The following TMEM132C variants were observed in gnomAD, a reference collection of about 807,000 sequenced individuals.
The protein encoded by TMEM132C is protein phosphatase 1, regulatory subunit 152.
TMEM132C carries 29 observed loss-of-function variants against 61.4 expected under a neutral mutation model. That is an observed-to-expected ratio of 0.47 (90% CI 0.35 to 0.64). TMEM132C has a LOEUF of 0.64. TMEM132C is among the 30% of genes least tolerant of loss of function. The pLI is 0.00. For missense variants in TMEM132C, 1,408 were observed against 1,476.9 expected, an observed-to-expected ratio of 0.95 and a Z score of 0.76; for synonymous variants, 656 against 633.1, an observed-to-expected ratio of 1.04 and a Z score of -0.54.
rs201207639 is a variant in TMEM132C at position 128,682,277 on chromosome 12, GC to G, written c.1450-11551del. ...GGAGCTCCATGGGATGACAGTGGGG[GC>G]TCCTCTCCTCCACCCCCTTATTCTT... is the stretch of plus-strand genomic sequence containing the variant. On this transcript the variant is annotated intron_variant, in intron 5 of 8. Coordinates refer to ENST00000435159, the MANE Select transcript of TMEM132C (RefSeq NM_001136103.3). Among the ~76,000 whole-genome samples the G allele has an allele frequency of 3.7e-4, 57 of 152,270 alleles. No homozygotes were observed. The East Asian group carries it at 0.01, about 28-fold the overall frequency.
At chr12:128,390,857 G>A (rs1874743581) in intron 1 of TMEM132C, among the ~76,000 whole-genome samples, 1 of 151,896 alleles carries the variant, frequency 6.6e-6, no homozygotes, top group African/African-American at 2.4e-5. Context: ...TGGCCATGGA[G>A]AGAAGATACA....
chr12:128,440,401 G>C (rs1167529516), intron 2 of TMEM132C, among the ~76,000 whole-genome samples: 2 of 152,204 alleles, frequency 1.3e-5, no homozygotes, highest in Non-Finnish European at 2.9e-5. Context: ...ATGAGAAACA[G>C]AGCCAGGGTT....
At chr12:128,399,959 C>T (rs189431719) in intron 1 of TMEM132C, 5 of 151,822 alleles carry the variant, frequency 3.3e-5, no homozygotes, top group Admixed American at 2.6e-4. Context: ...TGAGGAGTTG[C>T]AATGGAGACC....
At chr12:128,573,053 A>G (rs1380372969) in intron 3 of TMEM132C, among the ~76,000 whole-genome samples, 1 of 152,214 alleles carries the variant, frequency 6.6e-6, no homozygotes, top group Non-Finnish European at 1.5e-5. Context: ...GCGATTCCTC[A>G]AGGATCTAGA....
In TMEM132C at chr12:128,623,665, G is replaced by A. The variant is rs573656241; in HGVS notation, c.1305+7330G>A. Among the ~76,000 whole-genome samples, 30 of 151,984 alleles carry A rather than the reference G, an allele frequency of 2.0e-4. 1 individual carries two copies. The East Asian group carries it at 4.6e-3, about 24-fold the overall frequency. On this transcript the variant is annotated intron_variant, in intron 4 of 8. Coordinates refer to ENST00000435159, the MANE Select transcript of TMEM132C (RefSeq NM_001136103.3). ...CTACTAAAAATACAAAAAATCAGCC[G>A]GGCGTGATGGCAGGCACCTGTAATC...
At chr12:128,582,196 C>T (rs193073716) in intron 3 of TMEM132C, among the ~76,000 whole-genome samples, 1 of 152,194 alleles carries the variant, frequency 6.6e-6, no homozygotes, top group East Asian at 1.9e-4. Flanking sequence ...GCACTATGAA[C>T]AGGCAATTCA....
At chr12:128,474,042 A>G (rs548791332) in intron 2 of TMEM132C, among the ~76,000 whole-genome samples, 22 of 152,294 alleles carry the variant, frequency 1.4e-4, no homozygotes, top group Admixed American at 3.9e-4. Flanking sequence ...CTGTTACACT[A>G]ATTCCTTGCA....
At chr12:128,545,440 T>G (rs1682455196) in intron 3 of TMEM132C, among the ~76,000 whole-genome samples, 1 of 152,230 alleles carries the variant, frequency 6.6e-6, no homozygotes, top group Non-Finnish European at 1.5e-5. Context: ...TGCGTGTGTC[T>G]TTTTGGTAGA....
At chr12:128,688,983 TTTTG>T (rs914068132) in intron 5 of TMEM132C, among the ~76,000 whole-genome samples, 2 of 151,688 alleles carry the variant, frequency 1.3e-5, no homozygotes, top group African/African-American at 4.8e-5. Flanking sequence ...TTGTTTTTGT[TTTTG>T]TTTTATTTTT....
intron 1 of TMEM132C, among the ~76,000 whole-genome samples, chr12:128,372,939 G>A (rs766274990): frequency 6.6e-6 from 1 of 152,192 alleles, no homozygotes; most frequent in Non-Finnish European, 1.5e-5. Flanking sequence ...TTTTATAGGG[G>A]CTGATATGAC....
intron 4 of TMEM132C, among the ~76,000 whole-genome samples, chr12:128,659,768 T>C (rs1239420753): frequency 6.6e-6 from 1 of 150,500 alleles, no homozygotes; most frequent in Admixed American, 6.6e-5. Flanking sequence ...GATGTCAGAA[T>C]GGGTCTGGAG....
chr12:128,429,847 C>T (rs1869327570), intron 2 of TMEM132C, among the ~76,000 whole-genome samples: 1 of 152,134 alleles, frequency 6.6e-6, no homozygotes, highest in African/African-American at 2.4e-5. Context: ...ACAGGGTGCC[C>T]AGGCATGGGA....
At chr12:128,313,995 A>G (rs1872064955) in intron 1 of TMEM132C, among the ~76,000 whole-genome samples, 1 of 152,168 alleles carries the variant, frequency 6.6e-6, no homozygotes, top group African/African-American at 2.4e-5. Context: ...GTTGTCTGAG[A>G]AGTTGATTAA....
At chr12:128,371,553 TTATGTATGTATA>T (rs1874028652) in intron 1 of TMEM132C, among the ~76,000 whole-genome samples, 1 of 152,174 alleles carries the variant, frequency 6.6e-6, no homozygotes, top group African/African-American at 2.4e-5. Flanking sequence ...TTGTTGTTAT[TTATGTATGTATA>T]TGTGTATGTA....
chr12:128,686,164 G>T (rs1362139963), intron 5 of TMEM132C, among the ~76,000 whole-genome samples: 2 of 152,100 alleles, frequency 1.3e-5, no homozygotes, highest in African/African-American at 4.8e-5. Context: ...GTGTGTGATA[G>T]GTGGGTAGTG....
intron 2 of TMEM132C, among the ~76,000 whole-genome samples, chr12:128,444,145 C>G (rs1869888659): frequency 6.6e-6 from 1 of 152,296 alleles, no homozygotes; most frequent in South Asian, 2.1e-4. Context: ...GTCTTGAACT[C>G]CTGTGCTCAA....
intron 1 of TMEM132C, among the ~76,000 whole-genome samples, chr12:128,321,271 C>A (rs770301671): frequency 2.0e-5 from 3 of 151,764 alleles, no homozygotes; most frequent in Admixed American, 6.6e-5. Context: ...TTAAACAAAC[C>A]GTGTACCATG....
intron 2 of TMEM132C, among the ~76,000 whole-genome samples, chr12:128,431,280 A>T (rs1461070168): frequency 2.0e-5 from 3 of 152,196 alleles, no homozygotes; most frequent in Non-Finnish European, 4.4e-5. Flanking sequence ...TTCTGTGAAA[A>T]AGAATTCTGT....
chr12:128,517,974 A>G (rs1872771301), intron 2 of TMEM132C, among the ~76,000 whole-genome samples: 1 of 152,216 alleles, frequency 6.6e-6, no homozygotes, highest in African/African-American at 2.4e-5. Context: ...AGAGCCAGGA[A>G]CCTCAGGATT....
Sources: gnomAD v4.1 joint callset for allele counts (sites outside exome capture counted in the v4.1 genomes callset) on GRCh38, gnomAD v4.1.1 for gene constraint, MANE v1.5 for transcripts, NCBI Gene and HGNC (gene_info 2026-07-23, HGNC 2026-07-21) for gene names.